Variants in MAP4K5 observed in about 807,000 individuals in gnomAD.
MAP4K5 encodes the protein MAPK/ERK kinase kinase kinase 5.
In MAP4K5, 82 loss-of-function variants were observed where a neutral mutation model predicts 135.6. That is an observed-to-expected ratio of 0.60 (90% CI 0.51 to 0.73). The LOEUF (loss-of-function observed/expected upper bound fraction) is 0.73, where lower values mean the gene tolerates loss of function less well. MAP4K5 is among the 30% of genes least tolerant of loss of function. The probability of loss-of-function intolerance (pLI) is 0.00; values close to 1 mark genes in which losing one functional copy is unlikely to be tolerated. For missense variants in MAP4K5, 907 were observed against 1,010.9 expected (o/e 0.90, Z 1.39); for synonymous variants, 347 against 335.0 (o/e 1.04, Z -0.39).
intron 14 of MAP4K5, among the ~76,000 whole-genome samples, chr14:50,454,662 T>C (rs948961127): frequency 6.6e-6 from 1 of 152,042 alleles, no homozygotes; most frequent in East Asian, 1.9e-4. Context: ...ATATTAGTAT[T>C]TTGGGCTAAT....
At chr14:50,524,681 T>C (rs1401395145) in intron 2 of MAP4K5, among the ~76,000 whole-genome samples, 1 of 150,590 alleles carries the variant, frequency 6.6e-6, no homozygotes, top group Non-Finnish European at 1.5e-5. Context: ...AGAAAGAGTG[T>C]TCTAAAGGAA....
At chr14:50,482,728 G>A in intron 5 of MAP4K5, 1 of 212,522 alleles carries the variant, frequency 4.7e-6, no homozygotes, top group Non-Finnish European at 9.3e-6. Context: ...AGTGAGCTGA[G>A]ATCACACCAC....
chr14:50,457,106 G>A lies in MAP4K5; in HGVS notation c.937-512C>T, dbSNP rs748694022. 1.2e-4 allele frequency among the ~76,000 whole-genome samples: 18 copies of A among 152,178 alleles called. 1 individual carries two copies. The highest frequency in any genetic ancestry group is 2.2e-4 in the Non-Finnish European group (15 of 68,036). On this transcript the variant is annotated intron_variant, in intron 13 of 32. Transcript: ENST00000682126. Reference sequence around the variant, plus strand: ...AATAACAGGAAATTGTGGAGTGTTTGTAGGCAGTGGGGGTTGATTATTATT... The same window carrying A: ...AATAACAGGAAATTGTGGAGTGTTTATAGGCAGTGGGGGTTGATTATTATT...
chr14:50,519,647 C>A (rs2038107066), intron 2 of MAP4K5, among the ~76,000 whole-genome samples: 1 of 150,868 alleles, frequency 6.6e-6, no homozygotes, highest in Non-Finnish European at 1.5e-5. Context: ...AAGTGAGACT[C>A]CATCTCAAAA....
At chr14:50,539,351 G>A (rs532055385) in intron 2 of MAP4K5, among the ~76,000 whole-genome samples, 1 of 152,320 alleles carries the variant, frequency 6.6e-6, no homozygotes, top group Middle Eastern at 3.4e-3. Flanking sequence ...GCTTCTGTGA[G>A]AGTACATGAA....
Position 50,434,569 on chromosome 14 carries a change from G to A in MAP4K5, c.1989C>T (p.His663=). Reference sequence around the variant, plus strand: ...AAGGACTTGGCAAAGGAAAATCAAAGTGCTGCAAAAAAAATAAACAATAGA... The same window carrying A: ...AAGGACTTGGCAAAGGAAAATCAAAATGCTGCAAAAAAAATAAACAATAGA... ...EPMQKFMLIK[H]FDFPLPSPLN... The change falls in exon 28 of 33, where the codon CAC becomes CAT. Residue 663 remains histidine (H), a splice_region_variant and synonymous_variant. Coordinates refer to ENST00000682126, the MANE Select transcript of MAP4K5 (RefSeq NM_006575.6). 3 of 1,576,270 alleles carry A rather than the reference G, an allele frequency of 1.9e-6. No individual in the cohort carries two copies. Among genetic ancestry groups the A allele is most frequent in the African/African-American group, 1.3e-5 (1 of 74,116 alleles).
intron 3 of MAP4K5, among the ~76,000 whole-genome samples, chr14:50,502,501 G>A (rs531918345): frequency 8.6e-5 from 13 of 152,028 alleles, no homozygotes; most frequent in Admixed American, 3.3e-4. Flanking sequence ...ATGAAGACGT[G>A]GCAAAAACTT....
chr14:50,452,461 C>T (rs1182072275), intron 14 of MAP4K5, among the ~76,000 whole-genome samples: 1 of 152,140 alleles, frequency 6.6e-6, no homozygotes, highest in Non-Finnish European at 1.5e-5. Context: ...TCTGGGCATC[C>T]TATACATCTG....
rs1246532435 is a variant in MAP4K5 at position 50,519,532 on chromosome 14, T to C, written c.108+12410A>G. On this transcript the variant is annotated intron_variant, in intron 2 of 32. Coordinates refer to ENST00000682126, the MANE Select transcript of MAP4K5 (RefSeq NM_006575.6). ...AGTCAAGTGTGGTGGCACGCACCTG[T>C]AGTCCCAGCTACTCGGGAGACTGAA... Among the ~76,000 whole-genome samples the C allele has an allele frequency of 5.9e-5, 9 of 152,162 alleles. No individual in the cohort carries two copies. The East Asian group carries it at 1.7e-3, about 29-fold the overall frequency.
chr14:50,442,728 T>C lies in MAP4K5; in HGVS notation c.1564+4A>G. The C allele has an allele frequency of 6.4e-7, 1 of 1,564,274 alleles. No individual in the cohort carries two copies. ...GAGATGTATATAAAATTCAAACATT[T>C]TACCTTTTGTATCAGGATGTATCCA... On this transcript the variant is annotated splice_donor_region_variant and intron_variant, in intron 21 of 32. Transcript: ENST00000682126.
intron 3 of MAP4K5, among the ~76,000 whole-genome samples, chr14:50,501,411 A>C (rs1236898437): frequency 6.6e-6 from 1 of 152,072 alleles, no homozygotes; most frequent in Non-Finnish European, 1.5e-5. Flanking sequence ...AGAAACCCCC[A>C]GCTATAATTT....
intron 1 of MAP4K5, among the ~76,000 whole-genome samples, chr14:50,546,098 C>T (rs1161083255): frequency 6.6e-6 from 1 of 151,938 alleles, no homozygotes. Flanking sequence ...ACAATTCTAA[C>T]TAAAATGTAA....
chr14:50,472,848 T>C (rs1048490692), intron 9 of MAP4K5, among the ~76,000 whole-genome samples: 1 of 152,214 alleles, frequency 6.6e-6, no homozygotes, highest in African/African-American at 2.4e-5. Flanking sequence ...TGAAAAGAAA[T>C]CTTATAAATT....
chr14:50,457,206 A>C (rs2036610125), intron 13 of MAP4K5, among the ~76,000 whole-genome samples: 1 of 152,198 alleles, frequency 6.6e-6, no homozygotes, highest in Non-Finnish European at 1.5e-5. Flanking sequence ...CAATCGACAA[A>C]GGCTCTGAAT....
At chr14:50,560,598 C>T in intron 1 of MAP4K5, 1 of 446,600 alleles carries the variant, frequency 2.2e-6, no homozygotes, top group Middle Eastern at 6.4e-4. Context: ...CACCAGGCGC[C>T]TCCGGGGACT....
At chr14:50,560,526 C>G (rs1327668107) in intron 1 of MAP4K5, 2 of 589,136 alleles carry the variant, frequency 3.4e-6, no homozygotes, top group East Asian at 5.9e-5. Context: ...TCGCGCAGGC[C>G]GGGCCTCCAG....
At chr14:50,456,487 C>T (rs777164618) in intron 14 of MAP4K5, 29 bp downstream of exon 14, 4 of 1,506,100 alleles carry the variant, frequency 2.7e-6, no homozygotes, top group Non-Finnish European at 9.1e-7. Context: ...TCCAAAACCA[C>T]CAATGGAAAA....
chr14:50,510,965 T>C (rs536064568), intron 2 of MAP4K5, among the ~76,000 whole-genome samples: 24 of 152,288 alleles, frequency 1.6e-4, no homozygotes, highest in Non-Finnish European at 2.6e-4. Context: ...TGTACCCAAC[T>C]GAGCTAAAAA....
intron 14 of MAP4K5, chr14:50,449,076 C>T (rs967867904): frequency 2.2e-5 from 9 of 409,398 alleles, no homozygotes; most frequent in African/African-American, 6.3e-5. Context: ...TTAAACAGTT[C>T]TTTTTGTATA....
Sources: allele counts gnomAD v4.1 joint callset (sites outside exome capture counted in the v4.1 genomes callset), GRCh38; gene constraint gnomAD v4.1.1; transcripts MANE v1.5; gene names NCBI Gene and HGNC (gene_info 2026-07-23, HGNC 2026-07-21).